The following PTPRD variants were observed in gnomAD, a reference collection of about 807,000 sequenced individuals.
PTPRD encodes protein tyrosine phosphatase receptor type D, also known as receptor-type tyrosine-protein phosphatase delta.
PTPRD carries 34 observed loss-of-function variants against 214.5 expected under a neutral mutation model. That is an observed-to-expected ratio of 0.16 (90% CI 0.12 to 0.21). PTPRD has a LOEUF of 0.21. PTPRD is among the 10% of genes least tolerant of loss of function. PTPRD has a pLI of 1.00. For synonymous variants in PTPRD, 1,128 were observed against 845.7 expected (o/e 1.33, Z -5.79); for missense variants, 2,545 against 2,398.7 (o/e 1.06, Z -1.27).
In PTPRD at chr9:9,387,185, T is replaced by C. The variant is rs115498815; in HGVS notation, c.-203+10264A>G. ...TTCAGCTAGGGCATCTCTAATGTTT[T>C]CAGTGTGTGTTTATGTGAAATCTAG... On this transcript the variant is annotated intron_variant, in intron 9 of 45. Transcript: ENST00000381196. Among the ~76,000 whole-genome samples, 724 of 152,334 alleles carry C rather than the reference T, an allele frequency of 4.8e-3. 7 individuals are homozygous for C. The highest frequency in any genetic ancestry group is 0.016 in the African/African-American group (680 of 41,578).
At chr9:9,106,859 T>C (rs915706058) in intron 10 of PTPRD, among the ~76,000 whole-genome samples, 5 of 152,148 alleles carry the variant, frequency 3.3e-5, no homozygotes, top group Non-Finnish European at 7.4e-5. Flanking sequence ...TCCTTGAATA[T>C]ACCTCAGCAT....
chr9:9,218,272 CA>C (rs1406190121), intron 9 of PTPRD, among the ~76,000 whole-genome samples: 8 of 152,220 alleles, frequency 5.3e-5, no homozygotes, highest in African/African-American at 1.9e-4. Flanking sequence ...CAAGCCTATG[CA>C]ACTCATAGAT....
chr9:9,687,465 T>C (rs1317273055), intron 7 of PTPRD, among the ~76,000 whole-genome samples: 3 of 151,710 alleles, frequency 2.0e-5, no homozygotes, highest in African/African-American at 7.3e-5. Context: ...TTCCCAAATG[T>C]CAGACACCAG....
chr9:8,593,366 G>C (rs955032886), intron 14 of PTPRD, among the ~76,000 whole-genome samples: 2 of 152,126 alleles, frequency 1.3e-5, no homozygotes, highest in Admixed American at 6.5e-5. Flanking sequence ...GAACCAGTGT[G>C]GAACAAAAGG....
chr9:9,924,496 G>A, intron 5 of PTPRD, among the ~76,000 whole-genome samples: 1 of 152,100 alleles, frequency 6.6e-6, no homozygotes, highest in East Asian at 1.9e-4. Flanking sequence ...AACAACTCAT[G>A]TTGCTACAAA....
At chr9:8,339,287 C>G (rs534814936) in intron 42 of PTPRD, among the ~76,000 whole-genome samples, 2 of 152,180 alleles carry the variant, frequency 1.3e-5, no homozygotes, top group African/African-American at 2.4e-5. Context: ...CAGATAGTAG[C>G]TGCTTAATAT....
At chr9:8,424,962 C>A (rs951390192) in intron 35 of PTPRD, among the ~76,000 whole-genome samples, 3 of 152,140 alleles carry the variant, frequency 2.0e-5, no homozygotes, top group African/African-American at 7.2e-5. Context: ...CAAGGCCTAG[C>A]CAAAACTGCA....
chr9:8,713,821 A>C (rs1193866584), intron 12 of PTPRD: 1 of 1,522,680 alleles, frequency 6.6e-7, no homozygotes, highest in African/African-American at 1.4e-5. Flanking sequence ...CACCACCAAG[A>C]GGCCCAACAC....
rs2099146558 is a variant in PTPRD at position 10,164,391 on chromosome 9, C to T, written c.-544-130601G>A. On this transcript the variant is annotated intron_variant, in intron 3 of 45. Transcript: ENST00000381196. ...TTTCTAGTCATGAGTTTTCCAGATT[C>T]ACTGTTTTTTCTCCCATTATACTAA... 2.0e-5 allele frequency among the ~76,000 whole-genome samples: 3 copies of T among 151,464 alleles called. No individual in the cohort carries two copies. In the South Asian group the frequency reaches 6.2e-4, roughly 31 times the overall value.
At chr9:10,349,348 A>G (rs1356886637) in intron 2 of PTPRD, among the ~76,000 whole-genome samples, 1 of 152,070 alleles carries the variant, frequency 6.6e-6, no homozygotes, top group Non-Finnish European at 1.5e-5. Context: ...ATGCACACAA[A>G]CACGCACACA....
intron 9 of PTPRD, among the ~76,000 whole-genome samples, chr9:9,370,798 T>C (rs1300514919): frequency 6.6e-6 from 1 of 152,144 alleles, no homozygotes; most frequent in Non-Finnish European, 1.5e-5. Context: ...CAATACCTAA[T>C]TTATTGAGAG....
intron 2 of PTPRD, among the ~76,000 whole-genome samples, chr9:10,423,644 G>A (rs2098577199): frequency 6.6e-6 from 1 of 151,852 alleles, no homozygotes; most frequent in African/African-American, 2.4e-5. Context: ...GCAAGTGTAA[G>A]GTGTTTTTTA....
chr9:9,036,659 G>C (rs2099622848), intron 10 of PTPRD, among the ~76,000 whole-genome samples: 1 of 152,268 alleles, frequency 6.6e-6, no homozygotes, highest in Admixed American at 6.5e-5. Context: ...AGGGAGAATA[G>C]CTTAGACAAA....
chr9:8,912,767 A>G (rs1011774122), intron 11 of PTPRD, among the ~76,000 whole-genome samples: 1 of 152,150 alleles, frequency 6.6e-6, no homozygotes, highest in Non-Finnish European at 1.5e-5. Flanking sequence ...TTAAGTGTGG[A>G]GCTAAATTAT....
chr9:9,993,557 A>T (rs932705848), intron 4 of PTPRD, among the ~76,000 whole-genome samples: 4 of 152,152 alleles, frequency 2.6e-5, no homozygotes, highest in African/African-American at 9.7e-5. Context: ...GGAAAAATAC[A>T]TTTTACTTGA....
At chr9:10,059,893 C>A (rs2154166398) in intron 3 of PTPRD, among the ~76,000 whole-genome samples, 1 of 151,836 alleles carries the variant, frequency 6.6e-6, no homozygotes, top group Non-Finnish European at 1.5e-5. Flanking sequence ...ATTGGAATGA[C>A]AATGGCAAAA....
intron 2 of PTPRD, among the ~76,000 whole-genome samples, chr9:10,427,622 A>G (rs779725376): frequency 2.1e-4 from 32 of 152,070 alleles, no homozygotes; most frequent in Admixed American, 1.1e-3. Flanking sequence ...AACACTCACT[A>G]AAAAGGGGAT....
chr9:9,100,982 T>C (rs2099790432), intron 10 of PTPRD, among the ~76,000 whole-genome samples: 1 of 151,494 alleles, frequency 6.6e-6, no homozygotes, highest in Non-Finnish European at 1.5e-5. Flanking sequence ...AAAGCAGATT[T>C]ATTTTGTTAA....
At chr9:8,667,383 C>G (rs1678894611) in intron 12 of PTPRD, among the ~76,000 whole-genome samples, 1 of 151,860 alleles carries the variant, frequency 6.6e-6, no homozygotes, top group Non-Finnish European at 1.5e-5. Context: ...AATTTTTTTT[C>G]CATCTTGTTT....
Sources: allele counts gnomAD v4.1 joint callset (sites outside exome capture counted in the v4.1 genomes callset), GRCh38; gene constraint gnomAD v4.1.1; transcripts MANE v1.5; gene names NCBI Gene and HGNC (gene_info 2026-07-23, HGNC 2026-07-21).